Variants in PERM1 observed in about 807,000 individuals in gnomAD.
PERM1 encodes PGC-1 and ERR-induced regulator in muscle protein 1.
A neutral mutation model predicts 44.1 loss-of-function variants in PERM1; 45 were observed. That is an observed-to-expected ratio of 1.02 (90% confidence interval 0.80 to 1.31). The LOEUF (loss-of-function observed/expected upper bound fraction) is 1.31. PERM1 is among the 50% of genes most tolerant of loss of function. The pLI, the probability that PERM1 is intolerant of heterozygous loss-of-function variation, is 0.00. For missense variants in PERM1, 1,189 were observed against 1,106.9 expected, an observed-to-expected ratio of 1.07 and a Z score of -1.05; for synonymous variants, 565 against 477.1, an observed-to-expected ratio of 1.18 and a Z score of -2.40.
In PERM1 at chr1:979,901, CTGG is replaced by C. The variant is rs1260783610; in HGVS notation, c.1126_1128del (p.Pro376del). Reference sequence around the variant, plus strand: ...GCCACACTGGACTGAGGCTCAGAAGCTGGTGTAGACACAGCCGTGTCAGATTGC... The same window carrying C: ...GCCACACTGGACTGAGGCTCAGAAGCTGTAGACACAGCCGTGTCAGATTGC... On this transcript the variant is annotated inframe_deletion, in exon 1 of 3. Coordinates refer to ENST00000433179, the Ensembl canonical transcript of PERM1. 46 of 1,550,286 alleles carry C rather than the reference CTGG, an allele frequency of 3.0e-5. No homozygotes were observed. The East Asian group carries it at 4.2e-4, about 14-fold the overall frequency.
chr1:982,065 C>T, upstream of PERM1: 1 of 1,288,432 alleles, frequency 7.8e-7, no homozygotes, highest in African/African-American at 1.5e-5. Context: ...CATGTCCTAC[C>T]TGGGTCCCGG....
At chr1:980,226 T>G (rs1477612494) in exon 1 of PERM1, 1 of 1,550,408 alleles carries the variant, frequency 6.4e-7, no homozygotes. Context: ...GGGTTCTGAT[T>G]TGGTCTGTGC....
upstream of PERM1, among the ~76,000 whole-genome samples, chr1:981,458 G>T (rs114097763): frequency 1.1e-4 from 16 of 152,310 alleles, no homozygotes; most frequent in South Asian, 3.1e-3. Context: ...GTCTTTGCAC[G>T]GCAAAGCACC....
chr1:979,676 C>T (rs1643733674), exon 1 of PERM1: 2 of 1,550,296 alleles, frequency 1.3e-6, no homozygotes, highest in African/African-American at 2.7e-5. Context: ...GCGGCGTCGG[C>T]TCTGGGAACA....
intron 2 of PERM1, 78 bp downstream of exon 3, chr1:976,421 C>T (rs1643608864): frequency 6.5e-7 from 1 of 1,544,664 alleles, no homozygotes; most frequent in Non-Finnish European, 8.7e-7. Context: ...CCCCGGGGCC[C>T]CCGTGCACCC....
intron 1 of PERM1, among the ~76,000 whole-genome samples, chr1:978,261 A>C: frequency 6.9e-6 from 1 of 144,384 alleles, no homozygotes. Context: ...AGATACATCC[A>C]TCATGGGACA....
At chr1:979,545 G>A (rs1643728146) in exon 1 of PERM1, 18 of 1,549,986 alleles carry the variant, frequency 1.2e-5, no homozygotes, top group Non-Finnish European at 1.6e-5. Context: ...GGACTTGGGT[G>A]AGACCCAGTG....
intron 2 of PERM1, 85 bp downstream of exon 3, chr1:976,414 C>T (rs1643608547): frequency 6.5e-7 from 1 of 1,540,324 alleles, no homozygotes; most frequent in Non-Finnish European, 8.8e-7. Flanking sequence ...GGGTGAGCCC[C>T]GGGGCCCCCG....
At chr1:981,236 G>C, upstream of PERM1, 1 of 1,492,696 alleles carries the variant, frequency 6.7e-7, no homozygotes, top group Non-Finnish European at 9.0e-7. Context: ...TAGTGGTGAC[G>C]ATTTCCAAGT....
exon 1 of PERM1, chr1:979,872 C>T (rs746101959): frequency 2.6e-6 from 4 of 1,549,278 alleles, no homozygotes; most frequent in East Asian, 2.4e-5. Context: ...TGGGTGTAGA[C>T]AGAGCCACAC....
At chr1:978,846 G>C in intron 1 of PERM1, 35 bp downstream of exon 2, 1 of 1,441,756 alleles carries the variant, frequency 6.9e-7, no homozygotes, top group African/African-American at 1.4e-5. Flanking sequence ...GTGTGCCTGG[G>C]ATCTGGACGG....
exon 3 of PERM1, chr1:976,085 G>T: frequency 1.5e-6 from 2 of 1,332,518 alleles, no homozygotes; most frequent in Non-Finnish European, 1.0e-6. Context: ...AGGGGTCAGA[G>T]GGCCCGGGCG....
chr1:982,081 G>C (rs558030838), upstream of PERM1: 3 of 1,287,990 alleles, frequency 2.3e-6, no homozygotes, highest in East Asian at 5.5e-5. Flanking sequence ...CCCGGCGGCC[G>C]AGCTGGGCGT....
exon 1 of PERM1, chr1:979,194 C>G (rs1258667471): frequency 1.3e-6 from 2 of 1,550,150 alleles, no homozygotes; most frequent in African/African-American, 1.4e-5. Context: ...ACATGTCCGG[C>G]CACTGGACGC....
At chr1:980,016 T>C (rs1212931672) in exon 1 of PERM1, 1 of 1,547,498 alleles carries the variant, frequency 6.5e-7, no homozygotes, top group African/African-American at 1.4e-5. Context: ...CCGTGTCAGG[T>C]TGCGGCTCAG....
intron 2 of PERM1, 77 bp downstream of exon 3, chr1:976,422 C>A: frequency 1.9e-6 from 3 of 1,544,776 alleles, no homozygotes; most frequent in Non-Finnish European, 2.6e-6. Context: ...CCCGGGGCCC[C>A]CGTGCACCCC....
chr1:981,440 C>A (rs1337669200), upstream of PERM1, among the ~76,000 whole-genome samples: 1 of 152,224 alleles, frequency 6.6e-6, no homozygotes, highest in African/African-American at 2.4e-5. Context: ...CCACCTTCTG[C>A]CAGAGCTGTC....
intron 1 of PERM1, among the ~76,000 whole-genome samples, chr1:978,206 G>GAACT (rs201281744): frequency 0.012 from 1,768 of 141,646 alleles, 48 homozygotes; most frequent in African/African-American, 0.045. Flanking sequence ...CTTGGCCTGG[G>GAACT]AACTGCCTGC....
chr1:979,590 T>C, exon 1 of PERM1: 4 of 1,550,146 alleles, frequency 2.6e-6, no homozygotes, highest in Non-Finnish European at 3.5e-6. Context: ...GGGCCCCTGC[T>C]GAGGGCTCAG....
Sources: gnomAD v4.1 joint callset for allele counts (sites outside exome capture counted in the v4.1 genomes callset) on GRCh38, gnomAD v4.1.1 for gene constraint, MANE v1.5 for transcripts, NCBI Gene and HGNC (gene_info 2026-07-23, HGNC 2026-07-21) for gene names.